Variants in FNDC3A observed in about 807,000 individuals in gnomAD.
The protein encoded by FNDC3A is fibronectin type-III domain-containing protein 3A.
In FNDC3A, 32 loss-of-function variants were observed where a neutral mutation model predicts 148.9. The observed-to-expected ratio is 0.21, with a 90% CI of 0.16 to 0.29. FNDC3A has a LOEUF of 0.29. Among genes scored for constraint, FNDC3A ranks in the 10% least tolerant of loss-of-function variants. The pLI is 1.00. For missense variants in FNDC3A, 1,191 were observed against 1,452.8 expected (o/e 0.82, Z 2.93); for synonymous variants, 472 against 473.6 (o/e 1.00, Z 0.04).
chr13:49,162,307 T>G (rs951110161), intron 8 of FNDC3A, among the ~76,000 whole-genome samples: 1 of 152,204 alleles, frequency 6.6e-6, no homozygotes, highest in Non-Finnish European at 1.5e-5. Context: ...CTTTCGTTTC[T>G]TTTTACTCTT....
intron 1 of FNDC3A, among the ~76,000 whole-genome samples, chr13:49,005,272 C>G (rs1952200724): frequency 6.6e-6 from 1 of 151,856 alleles, no homozygotes; most frequent in South Asian, 2.1e-4. Context: ...ACCCTCTTGA[C>G]ACTACTGAAT....
Position 49,071,061 on chromosome 13 carries a change from C to CTTT in FNDC3A, c.100-4211_100-4209dup, listed in dbSNP as rs35935869. On this transcript the variant is annotated intron_variant, in intron 2 of 25. Transcript: ENST00000492622. ...CTACAGGCATGTACCCCCATGCCGG[C>CTTT]TTTTTTTTTTTTTTTTTTTGTAGAG... Among the ~76,000 whole-genome samples, 63 of 84,714 alleles carry CTTT rather than the reference C, an allele frequency of 7.4e-4. 1 individual carries two copies. Among genetic ancestry groups the CTTT allele is most frequent in the Non-Finnish European group, 9.4e-4 (45 of 47,866 alleles). The allele number at this position is 84,714 out of a possible 152,430, so 55.6% of individuals were successfully genotyped here. A position where few individuals can be genotyped will look rare whatever the true frequency, so the allele number is the denominator to read the frequency against.
At chr13:49,071,990 T>C (rs991406711) in intron 2 of FNDC3A, among the ~76,000 whole-genome samples, 2 of 152,188 alleles carry the variant, frequency 1.3e-5, no homozygotes, top group Non-Finnish European at 2.9e-5. Flanking sequence ...TTGTTGATTG[T>C]TTCCTTTGCT....
chr13:49,145,062 T>C (rs1334990392), intron 7 of FNDC3A, among the ~76,000 whole-genome samples: 14 of 149,340 alleles, frequency 9.4e-5, no homozygotes, highest in Admixed American at 9.3e-4. Flanking sequence ...TGAACATTCT[T>C]AAGTGTGTAT....
chr13:49,151,989 T>C (rs1380113435), intron 8 of FNDC3A, among the ~76,000 whole-genome samples: 2 of 152,240 alleles, frequency 1.3e-5, no homozygotes, highest in Non-Finnish European at 2.9e-5. Context: ...TGGTAGACAT[T>C]TGGGTTGATT....
chr13:49,177,949 C>T (rs1405440386), intron 13 of FNDC3A, among the ~76,000 whole-genome samples: 2 of 152,146 alleles, frequency 1.3e-5, no homozygotes, highest in Non-Finnish European at 2.9e-5. Context: ...AGTTGCACAA[C>T]TTTGTGAATA....
intron 3 of FNDC3A, among the ~76,000 whole-genome samples, chr13:49,075,800 G>GGCCCCCCCCC (rs1878053912): frequency 8.7e-6 from 1 of 115,302 alleles, no homozygotes; most frequent in Non-Finnish European, 1.7e-5. Flanking sequence ...TATCACCACT[G>GGCCCCCCCCC]CCCCCCCCAC....
At chr13:48,977,603 C>T (rs1248999885) in intron 1 of FNDC3A, among the ~76,000 whole-genome samples, 2 of 152,194 alleles carry the variant, frequency 1.3e-5, no homozygotes, top group African/African-American at 2.4e-5. Flanking sequence ...ATGAAGTACT[C>T]ACTGAGACAG....
chr13:49,169,280 T>A (rs191532552), intron 10 of FNDC3A, among the ~76,000 whole-genome samples: 2 of 152,358 alleles, frequency 1.3e-5, no homozygotes, highest in East Asian at 3.9e-4. Context: ...TCACTGATTA[T>A]ATAATTTTCT....
chr13:49,105,582 G>T (rs575476018), intron 3 of FNDC3A, among the ~76,000 whole-genome samples: 32 of 152,184 alleles, frequency 2.1e-4, no homozygotes, highest in Non-Finnish European at 3.5e-4. Flanking sequence ...TGAACTGCCT[G>T]CTAGTTGAAA....
At chr13:49,153,050 G>A (rs1883416954) in intron 8 of FNDC3A, among the ~76,000 whole-genome samples, 1 of 151,686 alleles carries the variant, frequency 6.6e-6, no homozygotes, top group South Asian at 2.1e-4. Context: ...GGGATGGCTG[G>A]GTCAAATGGT....
chr13:49,116,093 A>C (rs1363808491), intron 4 of FNDC3A, among the ~76,000 whole-genome samples: 2 of 152,170 alleles, frequency 1.3e-5, no homozygotes, highest in South Asian at 2.1e-4. Flanking sequence ...TGATTAAGAC[A>C]AGTTCTTTCA....
At chr13:49,015,138 A>G (rs1433307663) in intron 2 of FNDC3A, among the ~76,000 whole-genome samples, 2 of 152,172 alleles carry the variant, frequency 1.3e-5, no homozygotes, top group African/African-American at 4.8e-5. Flanking sequence ...CTGTGAAGAA[A>G]GTCATTGGTA....
chr13:49,188,632 C>T lies in FNDC3A; in HGVS notation c.1943C>T (p.Ala648Val), dbSNP rs1183680891. Reference sequence around the variant, plus strand: ...TGCATCAGTGATGGAGGACAGAGTGCGGTAATACTTATATGTAGATTCTTT... The same window carrying T: ...TGCATCAGTGATGGAGGACAGAGTGTGGTAATACTTATATGTAGATTCTTT... ...VYCISDGGQS[A>V]VSESLLVQTP... Residue 648 changes from alanine to valine, a missense_variant and splice_region_variant, in exon 17 of 26, where the codon GCG becomes GTG. Transcript: ENST00000492622. 2.0e-5 allele frequency: 31 copies of T among 1,583,722 alleles called. No homozygotes were observed. Among genetic ancestry groups the T allele is most frequent in the Admixed American group, 6.7e-5 (4 of 59,834 alleles).
chr13:48,983,022 C>A (rs1222889425), intron 1 of FNDC3A, among the ~76,000 whole-genome samples: 3 of 152,078 alleles, frequency 2.0e-5, no homozygotes, highest in African/African-American at 7.2e-5. Flanking sequence ...ACTCAGGCAT[C>A]CTGCATATCA....
intron 17 of FNDC3A, among the ~76,000 whole-genome samples, chr13:49,189,904 T>G (rs770392565): frequency 6.6e-6 from 1 of 152,126 alleles, no homozygotes; most frequent in Non-Finnish European, 1.5e-5. Flanking sequence ...TTGTTTTTTT[T>G]GAGACAGAGT....
intron 1 of FNDC3A, among the ~76,000 whole-genome samples, chr13:48,999,258 A>G (rs1952080738): frequency 6.6e-6 from 1 of 152,194 alleles, no homozygotes; most frequent in Non-Finnish European, 1.5e-5. Context: ...TGAATCAAAG[A>G]TGATGATTCT....
intron 10 of FNDC3A, among the ~76,000 whole-genome samples, chr13:49,169,528 C>T (rs1884649046): frequency 6.6e-6 from 1 of 152,176 alleles, no homozygotes; most frequent in Non-Finnish European, 1.5e-5. Flanking sequence ...TTGATCTTCA[C>T]CCCATACCAC....
chr13:49,189,164 ATTT>A (rs796199280), intron 17 of FNDC3A, among the ~76,000 whole-genome samples: 1 of 108,744 alleles, frequency 9.2e-6, no homozygotes, highest in African/African-American at 3.6e-5. Flanking sequence ...TTAATGAGTG[ATTT>A]TTTTTTTTTT....
Sources: allele counts gnomAD v4.1 joint callset (sites outside exome capture counted in the v4.1 genomes callset), GRCh38; gene constraint gnomAD v4.1.1; transcripts MANE v1.5; gene names NCBI Gene and HGNC (gene_info 2026-07-23, HGNC 2026-07-21).